SLIT1: variants seen among roughly 807,000 people sequenced by gnomAD.
The protein encoded by SLIT1 is slit guidance ligand 1, also known as slit homolog 1 protein.
A neutral mutation model predicts 186.1 loss-of-function variants in SLIT1; 66 were observed. The observed-to-expected ratio is 0.35, with a 90% CI of 0.29 to 0.44. The LOEUF is 0.44. SLIT1 is among the 20% of genes least tolerant of loss of function. The pLI is 1.00. For missense variants in SLIT1, 1,638 were observed against 2,037.4 expected, an observed-to-expected ratio of 0.80 and a Z score of 3.77; for synonymous variants, 761 against 833.8, an observed-to-expected ratio of 0.91 and a Z score of 1.50.
chr10:97,165,595 G>A (rs749368297), intron 1 of SLIT1, among the ~76,000 whole-genome samples: 6 of 152,116 alleles, frequency 3.9e-5, no homozygotes, highest in South Asian at 2.1e-4. Flanking sequence ...CCAGAGAGTC[G>A]GAAGCTGTCA....
chr10:97,108,356 C>G (rs1002996740), intron 4 of SLIT1, among the ~76,000 whole-genome samples: 5 of 152,238 alleles, frequency 3.3e-5, no homozygotes, highest in Non-Finnish European at 7.3e-5. Context: ...AGGAGAGTAA[C>G]AGTGCTGAGG....
intron 4 of SLIT1, among the ~76,000 whole-genome samples, chr10:97,094,635 T>C (rs1849267406): frequency 6.6e-6 from 1 of 152,134 alleles, no homozygotes; most frequent in Admixed American, 6.6e-5. Flanking sequence ...AATGCAGCTG[T>C]GTGGAGCAGG....
intron 4 of SLIT1, among the ~76,000 whole-genome samples, chr10:97,091,530 T>C (rs1429487772): frequency 6.6e-6 from 1 of 152,240 alleles, no homozygotes; most frequent in Non-Finnish European, 1.5e-5. Flanking sequence ...TCCCTGTCTT[T>C]CACTGATGAT....
At chr10:97,066,143 G>T in intron 4 of SLIT1, 57 bp from the exon 5 acceptor site, 1 of 1,376,988 alleles carries the variant, frequency 7.3e-7, no homozygotes, top group South Asian at 1.2e-5. Context: ...GGTTCCTGCA[G>T]AGTGCTGTGA....
intron 4 of SLIT1, among the ~76,000 whole-genome samples, chr10:97,155,767 C>T (rs1017865154): frequency 6.6e-6 from 1 of 152,126 alleles, no homozygotes; most frequent in Non-Finnish European, 1.5e-5. Context: ...GTTAAGAGGA[C>T]ATAGGAGGGG....
At chr10:97,026,288 A>G (rs189816594) in intron 25 of SLIT1, among the ~76,000 whole-genome samples, 67 of 151,946 alleles carry the variant, frequency 4.4e-4, no homozygotes, top group African/African-American at 1.6e-3. Flanking sequence ...ACATGGCGAA[A>G]CCCCATCTCT....
At chr10:97,168,950 C>T (rs1850153032) in intron 1 of SLIT1, among the ~76,000 whole-genome samples, 1 of 152,160 alleles carries the variant, frequency 6.6e-6, no homozygotes, top group Non-Finnish European at 1.5e-5. Flanking sequence ...TAAGGCGGGA[C>T]AGAGGTGGAG....
In SLIT1 at chr10:97,056,280, C is replaced by T. The variant is rs1196255087; in HGVS notation, c.1301+41G>A. 4 of 1,609,026 alleles carry T rather than the reference C, an allele frequency of 2.5e-6. No homozygotes were observed. The African/African-American group carries it at 4.0e-5, about 16-fold the overall frequency. ...GAGGCTGCAACCTCCCCCAGGCCCA[C>T]CTGCTGGGAGGGGAGAAGAAGAAGG... On this transcript the variant is annotated intron_variant, in intron 13 of 36. Transcript: ENST00000266058.
chr10:97,133,387 A>T (rs1284832657), intron 4 of SLIT1, among the ~76,000 whole-genome samples: 1 of 152,214 alleles, frequency 6.6e-6, no homozygotes, highest in African/African-American at 2.4e-5. Flanking sequence ...CCCCATCTCT[A>T]ATATTTTTTA....
chr10:97,081,870 G>C (rs971744050), intron 4 of SLIT1, among the ~76,000 whole-genome samples: 4 of 152,164 alleles, frequency 2.6e-5, no homozygotes, highest in Non-Finnish European at 4.4e-5. Flanking sequence ...CCTCTGCTCA[G>C]GGCTAAAGAC....
At chr10:97,161,693 G>A (rs573819170) in intron 3 of SLIT1, among the ~76,000 whole-genome samples, 73 of 152,272 alleles carry the variant, frequency 4.8e-4, no homozygotes, top group Admixed American at 2.5e-3. Flanking sequence ...TAGGAGAATC[G>A]CTTGAACCCA....
At position 97,004,602 on chromosome 10, in the gene SLIT1, G is replaced by T; in HGVS notation, c.3710+91C>A. On this transcript the variant is annotated intron_variant, in intron 33 of 36. Transcript: ENST00000266058. The surrounding 1 kb of genome is among the most constrained non-coding windows in gnomAD (Gnocchi z 5.1). The stretch of plus-strand genomic sequence containing the variant: ...ACTCAGGCAGCCCAGGTTTCTAGAG[G>T]TCTCGATAACCACCTGCTTTTGGCC... 1 of 1,482,308 alleles carries T rather than the reference G, an allele frequency of 6.7e-7. No homozygotes were observed. Among genetic ancestry groups the T allele is most frequent in the Non-Finnish European group, 9.3e-7 (1 of 1,072,100 alleles). 91.8% of individuals were successfully genotyped at this position (1,482,308 alleles called of 1,614,324 possible).
rs1299246928 is a variant in SLIT1 at position 97,086,569 on chromosome 10, C to T, written c.414-20483G>A. Among the ~76,000 whole-genome samples, 166 of 152,118 alleles carry T rather than the reference C, an allele frequency of 1.1e-3. 4 individuals carry two copies. Among genetic ancestry groups the T allele is most frequent in the Non-Finnish European group, 8.8e-5 (6 of 68,024 alleles). On this transcript the variant is annotated intron_variant, in intron 4 of 36. Transcript: ENST00000266058. ...CTCCAGCCTGGGTGACAGAGCAAGA[C>T]TCCAACCCTCCCAAAAAAAAGAAAG...
intron 5 of SLIT1, 74 bp downstream of exon 5, chr10:97,065,941 G>A: frequency 8.6e-7 from 1 of 1,156,524 alleles, no homozygotes; most frequent in Non-Finnish European, 1.3e-6. Flanking sequence ...GGCTCGCTCA[G>A]GGATACCCTG....
chr10:97,086,439 A>G (rs1849160342), intron 4 of SLIT1, among the ~76,000 whole-genome samples: 1 of 151,832 alleles, frequency 6.6e-6, no homozygotes, highest in Admixed American at 6.6e-5. Flanking sequence ...TTAGCCAGGC[A>G]TGGTGGTGCA....
intron 4 of SLIT1, among the ~76,000 whole-genome samples, chr10:97,142,891 C>G (rs535292785): frequency 6.6e-6 from 1 of 151,996 alleles, no homozygotes; most frequent in Non-Finnish European, 1.5e-5. Context: ...AACTAAGATG[C>G]GCAAACTAGT....
chr10:97,039,143 A>G (rs1334217227), intron 21 of SLIT1, among the ~76,000 whole-genome samples: 2 of 152,112 alleles, frequency 1.3e-5, no homozygotes, highest in African/African-American at 4.8e-5. Flanking sequence ...AACAAATAGA[A>G]GCCTCATCGC....
At chr10:97,076,103 T>C (rs1207228932) in intron 4 of SLIT1, among the ~76,000 whole-genome samples, 1 of 152,166 alleles carries the variant, frequency 6.6e-6, no homozygotes. Flanking sequence ...CCACTACATT[T>C]GTCCCACAGG....
At chr10:97,165,682 C>A (rs779171623) in intron 1 of SLIT1, among the ~76,000 whole-genome samples, 1 of 152,108 alleles carries the variant, frequency 6.6e-6, no homozygotes, top group East Asian at 1.9e-4. Flanking sequence ...CGAGGGCCAG[C>A]GGAGGCTCTG....
Sources: gnomAD v4.1 joint callset for allele counts (sites outside exome capture counted in the v4.1 genomes callset) on GRCh38, gnomAD v4.1.1 for gene constraint, Gnocchi (gnomAD v3.1) non-coding constraint, MANE v1.5 for transcripts, NCBI Gene and HGNC (gene_info 2026-07-23, HGNC 2026-07-21) for gene names.